The following CNTN4 variants were observed in gnomAD, a reference collection of about 807,000 sequenced individuals.
CNTN4 encodes contactin-4.
Under a neutral mutation model 122.5 loss-of-function variants are expected in CNTN4, and 77 were observed. That is an observed-to-expected ratio of 0.63 (90% confidence interval 0.52 to 0.76). The LOEUF (loss-of-function observed/expected upper bound fraction) is 0.76, where lower values mean the gene tolerates loss of function less well. CNTN4 is among the 30% of genes least tolerant of loss of function. The pLI is 0.00. For missense variants in CNTN4, 1,256 were observed against 1,259.1 expected (o/e 1.00, Z 0.04); for synonymous variants, 512 against 447.0 (o/e 1.15, Z -1.83).
At chr3:2,391,087 A>C (rs2046424988) in intron 3 of CNTN4, among the ~76,000 whole-genome samples, 1 of 152,198 alleles carries the variant, frequency 6.6e-6, no homozygotes, top group African/African-American at 2.4e-5. Context: ...TAATGGGCTC[A>C]GTACTGACCT....
At chr3:2,651,551 A>T (rs2083358914) in intron 4 of CNTN4, among the ~76,000 whole-genome samples, 1 of 152,058 alleles carries the variant, frequency 6.6e-6, no homozygotes. Context: ...ATTGAGTAGC[A>T]TTATCAAAAT....
chr3:2,196,278 G>A (rs188208806), intron 2 of CNTN4, among the ~76,000 whole-genome samples: 2 of 152,296 alleles, frequency 1.3e-5, no homozygotes, highest in Admixed American at 1.3e-4. Context: ...CAAAAGTGGT[G>A]TGAGAGTGTT....
At chr3:2,503,183 G>A (rs1196224208) in intron 3 of CNTN4, among the ~76,000 whole-genome samples, 1 of 152,118 alleles carries the variant, frequency 6.6e-6, no homozygotes, top group East Asian at 1.9e-4. Flanking sequence ...AAGTGGGATT[G>A]ATTAGATGGG....
chr3:2,273,148 G>A (rs2041367876), intron 2 of CNTN4, among the ~76,000 whole-genome samples: 1 of 152,174 alleles, frequency 6.6e-6, no homozygotes, highest in African/African-American at 2.4e-5. Context: ...AAAGGTTTTA[G>A]TACAAATTTT....
intron 4 of CNTN4, among the ~76,000 whole-genome samples, chr3:2,673,141 C>T (rs2084633936): frequency 1.3e-5 from 2 of 152,142 alleles, no homozygotes; most frequent in Admixed American, 1.3e-4. Flanking sequence ...AATACGCAAT[C>T]TATGGTCAAA....
chr3:2,772,911 G>A (rs1027995652), intron 6 of CNTN4, among the ~76,000 whole-genome samples: 1 of 152,176 alleles, frequency 6.6e-6, no homozygotes, highest in African/African-American at 2.4e-5. Flanking sequence ...AGGAAGAGAA[G>A]AGATAGGAAT....
At chr3:2,152,124 A>C (rs920890811) in intron 2 of CNTN4, among the ~76,000 whole-genome samples, 4 of 152,330 alleles carry the variant, frequency 2.6e-5, no homozygotes, top group African/African-American at 9.6e-5. Flanking sequence ...GCATTTAAAC[A>C]AAGTATTGAA....
intron 3 of CNTN4, among the ~76,000 whole-genome samples, chr3:2,437,541 G>T (rs935082581): frequency 6.6e-6 from 1 of 151,942 alleles, no homozygotes; most frequent in Non-Finnish European, 1.5e-5. Flanking sequence ...CTACTTAAAA[G>T]CAATTGAAAA....
intron 6 of CNTN4, among the ~76,000 whole-genome samples, chr3:2,790,454 G>A (rs560451164): frequency 5.9e-5 from 9 of 152,324 alleles, no homozygotes; most frequent in African/African-American, 2.2e-4. Flanking sequence ...AAGCTCCTCA[G>A]AAGGGAAAGG....
chr3:2,762,563 T>A (rs1001654606), intron 6 of CNTN4, among the ~76,000 whole-genome samples: 3 of 152,232 alleles, frequency 2.0e-5, no homozygotes, highest in Admixed American at 2.0e-4. Flanking sequence ...ACATTTTCTT[T>A]ATCAGTCTAT....
intron 2 of CNTN4, among the ~76,000 whole-genome samples, chr3:2,275,038 T>C (rs1480270504): frequency 6.6e-6 from 1 of 152,166 alleles, no homozygotes; most frequent in African/African-American, 2.4e-5. Context: ...TATTATTCAC[T>C]CCATAGAAAG....
intron 6 of CNTN4, among the ~76,000 whole-genome samples, chr3:2,747,517 T>C: frequency 6.6e-6 from 1 of 152,060 alleles, no homozygotes; most frequent in East Asian, 1.9e-4. Flanking sequence ...ATTATCCTTT[T>C]GTAAAAGACC....
chr3:2,741,089 A>G (rs2089431505), intron 5 of CNTN4, among the ~76,000 whole-genome samples: 1 of 152,198 alleles, frequency 6.6e-6, no homozygotes, highest in South Asian at 2.1e-4. Flanking sequence ...ATATAGACAA[A>G]GTATTTAAAC....
intron 3 of CNTN4, among the ~76,000 whole-genome samples, chr3:2,485,465 T>C (rs749362472): frequency 2.6e-5 from 4 of 152,208 alleles, no homozygotes; most frequent in African/African-American, 4.8e-5. Flanking sequence ...TCAAGGTTTG[T>C]AAATGCACCA....
At chr3:2,565,613 G>A (rs910307319) in intron 3 of CNTN4, among the ~76,000 whole-genome samples, 3 of 152,056 alleles carry the variant, frequency 2.0e-5, no homozygotes, top group Admixed American at 1.3e-4. Context: ...CCTTGTGGGC[G>A]GAGACCTTGA....
At chr3:3,047,579 C>G (rs340821) in intron 23 of CNTN4, among the ~76,000 whole-genome samples, 11 of 143,518 alleles carry the variant, frequency 7.7e-5, no homozygotes, top group Non-Finnish European at 1.4e-4. Context: ...TTGAAACCAA[C>G]GAGAACAAAG....
chr3:2,153,988 T>C (rs1490417609), intron 2 of CNTN4, among the ~76,000 whole-genome samples: 1 of 152,176 alleles, frequency 6.6e-6, no homozygotes, highest in Non-Finnish European at 1.5e-5. Flanking sequence ...AGCTCTACCT[T>C]ATCTTATATA....
intron 2 of CNTN4, among the ~76,000 whole-genome samples, chr3:2,190,849 T>C (rs553753465): frequency 6.1e-5 from 9 of 148,622 alleles, no homozygotes; most frequent in Non-Finnish European, 1.3e-4. Flanking sequence ...CACACACACA[T>C]AAATATATAT....
At chr3:2,759,504 A>G (rs936630949) in intron 6 of CNTN4, among the ~76,000 whole-genome samples, 1 of 152,184 alleles carries the variant, frequency 6.6e-6, no homozygotes, top group African/African-American at 2.4e-5. Flanking sequence ...TAACTCCATT[A>G]TATTTACCCA....
Sources: gnomAD v4.1 joint callset for allele counts (sites outside exome capture counted in the v4.1 genomes callset) on GRCh38, gnomAD v4.1.1 for gene constraint, MANE v1.5 for transcripts, NCBI Gene and HGNC (gene_info 2026-07-23, HGNC 2026-07-21) for gene names.